Variants in KAT2B observed in about 807,000 individuals in gnomAD.
KAT2B encodes lysine acetyltransferase 2B.
KAT2B carries 36 observed loss-of-function variants against 105.9 expected under a neutral mutation model. The ratio of observed to expected loss-of-function variants is 0.34; its 90% CI spans 0.26 to 0.45. The LOEUF (loss-of-function observed/expected upper bound fraction) is 0.45. Ranked by LOEUF, KAT2B falls within the 20% of genes least tolerant of loss-of-function variation. KAT2B has a pLI of 1.00. For missense variants in KAT2B, 820 were observed against 1,021.6 expected (o/e 0.80, Z 2.69); for synonymous variants, 397 against 377.9 (o/e 1.05, Z -0.59).
rs190585538 is a variant in KAT2B at position 20,129,362 on chromosome 3, T to C, written c.1749+1813T>C. Among the ~76,000 whole-genome samples the C allele has an allele frequency of 2.4e-3, 370 of 151,232 alleles. 1 individual carries two copies. The highest frequency in any genetic ancestry group is 0.016 in the South Asian group (76 of 4,772). On this transcript the variant is annotated intron_variant, in intron 11 of 17. Coordinates refer to ENST00000263754, the MANE Select transcript of KAT2B (RefSeq NM_003884.5). ...TGGAGACCTTTTACATTACATTCTT[T>C]GTTCTGTACTGTCTTTTTTTTTTTT... is the stretch of plus-strand genomic sequence containing the variant.
chr3:20,152,525 ATT>A lies in KAT2B; in HGVS notation c.*7_*8del, dbSNP rs750062124. On this transcript the variant is annotated 3_prime_UTR_variant, in exon 18 of 18. Transcript: ENST00000263754. ...AGGAAGCTGGATTAATTGACAAGTG[ATT>A]TTTTTTCCCCTCTGCTTCTTAGAAA... 6 of 1,610,412 alleles carry A rather than the reference ATT, an allele frequency of 3.7e-6. No homozygotes were observed. In the African/African-American group the frequency reaches 8.0e-5, roughly 22 times the overall value.
chr3:20,125,685 C>A (rs1450954905), intron 9 of KAT2B, among the ~76,000 whole-genome samples: 1 of 152,174 alleles, frequency 6.6e-6, no homozygotes, highest in Non-Finnish European at 1.5e-5. Flanking sequence ...TATAATACTC[C>A]AATTTCTCAA....
At chr3:20,098,224 C>A (rs1050434443) in intron 3 of KAT2B, among the ~76,000 whole-genome samples, 28 of 133,204 alleles carry the variant, frequency 2.1e-4, no homozygotes, top group Non-Finnish European at 2.2e-4. Context: ...AGTGAGACAA[C>A]GTCCCAAATT....
At chr3:20,062,173 T>A (rs180884221) in intron 1 of KAT2B, among the ~76,000 whole-genome samples, 1,864 of 62,776 alleles carry the variant, frequency 0.03, 83 homozygotes, top group Non-Finnish European at 0.044. Context: ...ATAATATATA[T>A]AATATATAAT....
At chr3:20,079,183 G>A (rs1423210149) in intron 2 of KAT2B, among the ~76,000 whole-genome samples, 4 of 146,096 alleles carry the variant, frequency 2.7e-5, no homozygotes, top group Non-Finnish European at 5.9e-5. Context: ...TTACAGGCAT[G>A]AGCCACCACA....
rs190875179 is a variant in KAT2B, at chr3:20,115,137, T to C, written c.1150+149T>C. On this transcript the variant is annotated intron_variant, in intron 7 of 17. Coordinates refer to ENST00000263754, the MANE Select transcript of KAT2B (RefSeq NM_003884.5). ...TGGCTATTTTCAAACCCAATTATAG[T>C]CTCAGTCGATGGCTAGATACACCTA... is the stretch of plus-strand genomic sequence containing the variant. 5.9e-4 allele frequency: 352 copies of C among 599,594 alleles called. 1 individual carries two copies. In the African/African-American group the frequency reaches 5.9e-3, roughly 10 times the overall value. The allele number at this position is 599,594 out of a possible 1,614,324, so 37.1% of individuals were successfully genotyped here.
At position 20,101,298 on chromosome 3, in the gene KAT2B, C is replaced by T. The variant is rs774695733; in HGVS notation, c.681C>T (p.Asn227=). 1 of 1,613,748 alleles carries T rather than the reference C, an allele frequency of 6.2e-7. No individual in the cohort carries two copies. Among genetic ancestry groups the T allele is most frequent in the East Asian group, 2.2e-5 (1 of 44,864 alleles). The change falls in exon 5 of 18, where the codon AAC becomes AAT. Residue 227 remains asparagine (N), a synonymous_variant. Coordinates refer to ENST00000263754, the MANE Select transcript of KAT2B (RefSeq NM_003884.5). ...EKPSIEQGVN[N]FVQYKFSHLP... is the part of the protein sequence containing the mutation. ...TCCCTCTTTTTAAGGGTGTGAATAA[C>T]TTTGTGCAGTACAAATTTAGTCACC...
intron 13 of KAT2B, 41 bp from the exon 14 acceptor site, chr3:20,146,275 G>T: frequency 8.7e-7 from 1 of 1,152,522 alleles, no homozygotes; most frequent in South Asian, 1.2e-5. Context: ...TGTATCCATA[G>T]ACTTCTTTCC....
intron 1 of KAT2B, among the ~76,000 whole-genome samples, chr3:20,058,153 G>A (rs1397724239): frequency 6.6e-6 from 1 of 152,008 alleles, no homozygotes; most frequent in African/African-American, 2.4e-5. Context: ...AGACCAAAAT[G>A]GCACTCATAA....
intron 14 of KAT2B, 23 bp downstream of exon 14, chr3:20,146,453 A>C: frequency 7.0e-7 from 1 of 1,428,158 alleles, no homozygotes; most frequent in Non-Finnish European, 9.7e-7. Flanking sequence ...CTTCTTTTAA[A>C]AGCGAAATTT....
intron 17 of KAT2B, chr3:20,148,817 GA>G (rs1009214161): frequency 3.8e-4 from 84 of 219,564 alleles, no homozygotes; most frequent in African/African-American, 1.8e-3. Flanking sequence ...GGTGCAAATA[GA>G]AAAACATCAG....
chr3:20,060,884 G>A (rs993227530), intron 1 of KAT2B, among the ~76,000 whole-genome samples: 2 of 152,128 alleles, frequency 1.3e-5, no homozygotes, highest in Non-Finnish European at 2.9e-5. Flanking sequence ...GGTTGAGGTT[G>A]TAATAAACCA....
chr3:20,106,257 A>C (rs1329092589), intron 5 of KAT2B, among the ~76,000 whole-genome samples: 3 of 152,256 alleles, frequency 2.0e-5, no homozygotes, highest in Non-Finnish European at 4.4e-5. Flanking sequence ...TAGACATACA[A>C]AAATGAACGA....
Position 20,040,725 on chromosome 3 carries a change from G to A in KAT2B, c.248G>A (p.Arg83His). The A allele has an allele frequency of 6.3e-7, 1 of 1,595,958 alleles. No individual in the cohort carries two copies. The highest frequency in any genetic ancestry group is 8.5e-7 in the Non-Finnish European group (1 of 1,174,082). ...ATCGCCGTGAAGAAAGCGCAACTAC[G>A]CTCCGCTCCGCGGGCCAAGAAACTG... ...ARIAVKKAQL[R>H]SAPRAKKLEK... Residue 83 changes from arginine to histidine, a missense_variant, in exon 1 of 18, where the codon CGC becomes CAC. This residue lies in a region of KAT2B where 190 missense variants were observed against 176.7 expected (regional missense o/e 1.08). Coordinates refer to ENST00000263754, the MANE Select transcript of KAT2B (RefSeq NM_003884.5).
chr3:20,086,242 C>A (rs1397948436), intron 2 of KAT2B, among the ~76,000 whole-genome samples: 1 of 151,898 alleles, frequency 6.6e-6, no homozygotes, highest in East Asian at 1.9e-4. Context: ...CACTACAATC[C>A]AGCCTGGGTG....
chr3:20,108,945 C>A (rs990294849), intron 5 of KAT2B, among the ~76,000 whole-genome samples: 4 of 152,128 alleles, frequency 2.6e-5, no homozygotes, highest in Non-Finnish European at 5.9e-5. Flanking sequence ...TACCCCCAGC[C>A]ATGGAAAAAT....
intron 2 of KAT2B, among the ~76,000 whole-genome samples, chr3:20,082,482 G>C (rs1300300497): frequency 6.6e-6 from 1 of 151,986 alleles, no homozygotes; most frequent in African/African-American, 2.4e-5. Context: ...TTTCCATTAA[G>C]CCTCCACTCA....
intron 1 of KAT2B, among the ~76,000 whole-genome samples, chr3:20,053,604 A>G (rs1697953492): frequency 6.6e-6 from 1 of 152,182 alleles, no homozygotes; most frequent in African/African-American, 2.4e-5. Context: ...GTTAAAAGCT[A>G]CAAAGTGAGA....
chr3:20,076,383 G>A (rs1013632285), intron 2 of KAT2B, among the ~76,000 whole-genome samples: 5 of 151,996 alleles, frequency 3.3e-5, no homozygotes, highest in African/African-American at 1.2e-4. Flanking sequence ...TCTTTAGTCT[G>A]CTTTCTTAAA....
Sources: allele counts gnomAD v4.1 joint callset (sites outside exome capture counted in the v4.1 genomes callset), GRCh38; gene constraint gnomAD v4.1.1; regional missense constraint gnomAD v4.1.1; transcripts MANE v1.5; gene names NCBI Gene and HGNC (gene_info 2026-07-23, HGNC 2026-07-21).